TRIP12: variants seen among roughly 807,000 people sequenced by gnomAD.
TRIP12 encodes the protein thyroid hormone receptor interactor 12.
In TRIP12, 25 loss-of-function variants were observed where a neutral mutation model predicts 244.2. The observed-to-expected ratio is 0.10, with a 90% CI of 0.07 to 0.14. TRIP12 has a LOEUF of 0.14. Ranked by LOEUF, TRIP12 falls within the 10% of genes least tolerant of loss-of-function variation. TRIP12 has a pLI of 1.00. For synonymous variants in TRIP12, 905 were observed against 873.1 expected, an observed-to-expected ratio of 1.04 and a Z score of -0.64; for missense variants, 1,677 against 2,486.4, an observed-to-expected ratio of 0.67 and a Z score of 6.92.
chr2:229,853,273 T>G (rs2059038050), intron 4 of TRIP12, among the ~76,000 whole-genome samples: 1 of 152,196 alleles, frequency 6.6e-6, no homozygotes, highest in African/African-American at 2.4e-5. Flanking sequence ...AATATAATTT[T>G]TAGATTTTTA....
chr2:229,860,109 A>C (rs2154336796), intron 3 of TRIP12, among the ~76,000 whole-genome samples: 1 of 152,250 alleles, frequency 6.6e-6, no homozygotes, highest in African/African-American at 2.4e-5. Flanking sequence ...ATAAAAACTA[A>C]AAAAAAGATT....
intron 6 of TRIP12, among the ~76,000 whole-genome samples, chr2:229,832,628 T>C (rs192115427): frequency 6.6e-6 from 1 of 152,226 alleles, no homozygotes; most frequent in Non-Finnish European, 1.5e-5. Flanking sequence ...AAAGGTATTA[T>C]AATCATCATG....
At chr2:229,907,518 C>G (rs1317482210) in intron 1 of TRIP12, among the ~76,000 whole-genome samples, 2 of 152,170 alleles carry the variant, frequency 1.3e-5, no homozygotes, top group Non-Finnish European at 2.9e-5. Context: ...AAAACACTGT[C>G]TCTCAAAAGG....
intron 34 of TRIP12, among the ~76,000 whole-genome samples, chr2:229,783,555 CA>C (rs1219958685): frequency 1.3e-5 from 2 of 152,064 alleles, no homozygotes; most frequent in Non-Finnish European, 2.9e-5. Context: ...CAAAAAACCA[CA>C]AAACATTTGG....
At position 229,778,811 on chromosome 2, in the gene TRIP12, A is replaced by G; in HGVS notation, c.5209+65T>C. 2 of 1,453,178 alleles carry G rather than the reference A, an allele frequency of 1.4e-6. No homozygotes were observed. The highest frequency in any genetic ancestry group is 1.9e-6 in the Non-Finnish European group (2 of 1,042,360). The allele number at this position is 1,453,178 out of a possible 1,614,324, so 90.0% of individuals were successfully genotyped here. On this transcript the variant is annotated intron_variant, in intron 35 of 41. Coordinates refer to ENST00000675903, the MANE Select transcript of TRIP12 (RefSeq NM_001348323.3). The surrounding 1 kb of genome is among the most constrained non-coding windows in gnomAD (Gnocchi z 4.1). ...CCATTAGAAATTAAATATGTCTAAT[A>G]AACTGTCAGAGTCCATTACCTGATC...
intron 6 of TRIP12, among the ~76,000 whole-genome samples, chr2:229,836,637 T>TA (rs1240836780): frequency 1.3e-5 from 2 of 152,240 alleles, no homozygotes; most frequent in Non-Finnish European, 1.5e-5. Context: ...TGCTTCTTCC[T>TA]AAAAGCCTTT....
intron 38 of TRIP12, among the ~76,000 whole-genome samples, chr2:229,772,175 G>T (rs2034588080): frequency 1.3e-5 from 2 of 152,186 alleles, no homozygotes; most frequent in African/African-American, 4.8e-5. Flanking sequence ...AACTCTTATT[G>T]GTCCAACATT....
intron 33 of TRIP12, 108 bp downstream of exon 33, chr2:229,787,397 G>C: frequency 8.5e-7 from 1 of 1,169,968 alleles, no homozygotes; most frequent in Non-Finnish European, 1.2e-6. Context: ...AGCTGAATAT[G>C]ACCAAGGCCT....
At chr2:229,874,093 C>T (rs1033391519) in intron 2 of TRIP12, among the ~76,000 whole-genome samples, 2 of 150,854 alleles carry the variant, frequency 1.3e-5, no homozygotes, top group African/African-American at 4.9e-5. Flanking sequence ...AGTGAATCAA[C>T]ACCTTTCACA....
chr2:229,871,471 C>T (rs2062593348), intron 2 of TRIP12, among the ~76,000 whole-genome samples: 2 of 152,168 alleles, frequency 1.3e-5, no homozygotes, highest in Admixed American at 1.3e-4. Context: ...AATTCTTGCT[C>T]TGAGTTCACT....
chr2:229,791,326 C>T (rs2041474240), intron 29 of TRIP12, 75 bp from the exon 30 acceptor site: 2 of 1,511,028 alleles, frequency 1.3e-6, no homozygotes, highest in Non-Finnish European at 1.8e-6. Flanking sequence ...AAGCCACAGA[C>T]ACCACAGTTA....
intron 17 of TRIP12, among the ~76,000 whole-genome samples, chr2:229,806,811 C>T (rs796345923): frequency 6.6e-5 from 10 of 152,140 alleles, no homozygotes; most frequent in African/African-American, 1.2e-4. Flanking sequence ...TTTTTAGAAA[C>T]GAACTAGAAG....
intron 8 of TRIP12, among the ~76,000 whole-genome samples, chr2:229,820,980 T>C (rs1437891403): frequency 6.6e-5 from 10 of 152,194 alleles, no homozygotes; most frequent in Non-Finnish European, 1.3e-4. Flanking sequence ...AATCCATGAA[T>C]AAGTGGACCC....
At position 229,795,156 on chromosome 2, in the gene TRIP12, T is replaced by C. The variant is rs557541384; in HGVS notation, c.3968+23A>G. On this transcript the variant is annotated intron_variant, in intron 26 of 41. Transcript: ENST00000675903. Reference sequence around the variant, plus strand: ...AAGTACCAAATTCCAGTGGCAAGGGTATAGCCAGGCAATGGTCCTTACCTG... The same window carrying C: ...AAGTACCAAATTCCAGTGGCAAGGGCATAGCCAGGCAATGGTCCTTACCTG... The C allele has an allele frequency of 9.3e-6, 15 of 1,609,592 alleles. No individual in the cohort carries two copies. In the African/African-American group the frequency reaches 9.4e-5, roughly 10 times the overall value.
chr2:229,826,331 A>G (rs1262407705), intron 8 of TRIP12, among the ~76,000 whole-genome samples: 1 of 152,226 alleles, frequency 6.6e-6, no homozygotes, highest in Non-Finnish European at 1.5e-5. Flanking sequence ...TACCAAGAAA[A>G]GAAGATAAAG....
intron 1 of TRIP12, among the ~76,000 whole-genome samples, chr2:229,895,846 T>C (rs2068664405): frequency 6.6e-6 from 1 of 152,090 alleles, no homozygotes; most frequent in Non-Finnish European, 1.5e-5. Context: ...AACCCAGACA[T>C]GTCATAATTC....
At chr2:229,887,942 T>G (rs985930863) in intron 1 of TRIP12, among the ~76,000 whole-genome samples, 1 of 152,194 alleles carries the variant, frequency 6.6e-6, no homozygotes, top group African/African-American at 2.4e-5. Flanking sequence ...CCCCAAAGAT[T>G]GCAGTTTGTT....
intron 2 of TRIP12, among the ~76,000 whole-genome samples, chr2:229,866,329 T>A (rs1378393287): frequency 6.6e-6 from 1 of 152,218 alleles, no homozygotes; most frequent in South Asian, 2.1e-4. Context: ...GGCATTTAAG[T>A]CCATTGTTGT....
In TRIP12 at chr2:229,765,945, G is replaced by A. The variant is rs748425844; in HGVS notation, c.*1609C>T. ...TCACTGCCCAAGTGAACTCTCAGGA[G>A]GGGACATTTCCATATAAGGCCATTT... On this transcript the variant is annotated 3_prime_UTR_variant, in exon 42 of 42. Transcript: ENST00000675903. 6.6e-6 allele frequency: 1 copy of A among 152,134 alleles called. No individual in the cohort carries two copies. Among genetic ancestry groups the A allele is most frequent in the Non-Finnish European group, 1.5e-5 (1 of 68,038 alleles). 9.4% of individuals were successfully genotyped at this position (152,134 alleles called of 1,614,324 possible).
Sources: gnomAD v4.1 joint callset for allele counts (sites outside exome capture counted in the v4.1 genomes callset) on GRCh38, gnomAD v4.1.1 for gene constraint, Gnocchi (gnomAD v3.1) non-coding constraint, MANE v1.5 for transcripts, NCBI Gene and HGNC (gene_info 2026-07-23, HGNC 2026-07-21) for gene names.